The following CHCHD6 variants were observed in gnomAD, a reference collection of about 807,000 sequenced individuals.
The protein encoded by CHCHD6 is MICOS complex subunit MIC25.
A neutral mutation model predicts 32.3 loss-of-function variants in CHCHD6; 28 were observed. The ratio of observed to expected loss-of-function variants is 0.87; its 90% CI spans 0.64 to 1.19. CHCHD6 has a LOEUF of 1.19. Among genes scored for constraint, CHCHD6 ranks in the 50% most tolerant of loss-of-function variants. The probability of loss-of-function intolerance (pLI) is 0.00; values close to 1 mark genes in which losing one functional copy is unlikely to be tolerated. For missense variants in CHCHD6, 333 were observed against 307.0 expected, an observed-to-expected ratio of 1.08 and a Z score of -0.63; for synonymous variants, 122 against 117.5, an observed-to-expected ratio of 1.04 and a Z score of -0.25.
chr3:126,754,908 G>A (rs944548701), intron 4 of CHCHD6, among the ~76,000 whole-genome samples: 1 of 152,228 alleles, frequency 6.6e-6, no homozygotes, highest in South Asian at 2.1e-4. Flanking sequence ...GAAGGGCAGT[G>A]GCTGCAAGGA....
intron 4 of CHCHD6, 98 bp downstream of exon 4, chr3:126,733,320 G>A (rs1935897634): frequency 8.5e-7 from 1 of 1,182,548 alleles, no homozygotes; most frequent in Non-Finnish European, 1.2e-6. Flanking sequence ...AAGCCCTGCT[G>A]GCTCAGGCTG....
At chr3:126,868,310 A>G (rs1313023207) in intron 5 of CHCHD6, among the ~76,000 whole-genome samples, 1 of 152,176 alleles carries the variant, frequency 6.6e-6, no homozygotes, top group Non-Finnish European at 1.5e-5. Flanking sequence ...TTCCTCTCTG[A>G]GTGTAACTGA....
chr3:126,719,968 C>A (rs1935203768), intron 1 of CHCHD6, among the ~76,000 whole-genome samples: 1 of 152,132 alleles, frequency 6.6e-6, no homozygotes, highest in African/African-American at 2.4e-5. Flanking sequence ...GCAACCTCCA[C>A]CTCCTGGGGT....
chr3:126,854,892 C>A (rs1006262379), intron 5 of CHCHD6: 2 of 152,172 alleles, frequency 1.3e-5, no homozygotes, highest in Non-Finnish European at 2.9e-5. Context: ...TGGAATCCTG[C>A]GGCCGTCCAC....
intron 6 of CHCHD6, among the ~76,000 whole-genome samples, chr3:126,916,524 A>T (rs2078173870): frequency 6.6e-6 from 1 of 152,192 alleles, no homozygotes; most frequent in South Asian, 2.1e-4. Context: ...GTTGAGGTAG[A>T]AGCCCAGCCC....
chr3:126,852,647 G>A lies in CHCHD6; in HGVS notation c.412G>A (p.Ala138Thr). The change falls in exon 5 of 8, where the codon GCC (alanine) becomes ACC (threonine). Residue 138 changes from alanine (A) to threonine (T), a missense_variant and splice_region_variant. Physicochemically the swap from Ala to Thr is moderately conservative, Grantham distance 58. Transcript: ENST00000290913. ...SHEEQKSVRL[A>T]RELESREAEL... ...GTGGGCTTTGTTCTCTTCCAAGCAG[G>A]CCAGGGAGCTGGAGAGCAGAGAGGC... The A allele has an allele frequency of 6.2e-7, 1 of 1,613,244 alleles. No homozygotes were observed. The highest frequency in any genetic ancestry group is 1.7e-5 in the Admixed American group (1 of 60,010).
chr3:126,729,670 T>C (rs11706588), intron 2 of CHCHD6, among the ~76,000 whole-genome samples: 15,988 of 152,078 alleles, frequency 0.11, 912 homozygotes, highest in Middle Eastern at 0.22. Flanking sequence ...GGTTTGAAAG[T>C]GCGAGTAGTC....
chr3:126,789,882 T>A (rs1217004553), intron 4 of CHCHD6, among the ~76,000 whole-genome samples: 1 of 138,536 alleles, frequency 7.2e-6, no homozygotes, highest in African/African-American at 3.1e-5. Context: ...GTTAGCTGAT[T>A]ATTTTGCTCG....
In CHCHD6 at chr3:126,722,291, G is replaced by A. The variant is rs114167729; in HGVS notation, c.88-4787G>A. ...TTGCCTCAGCCTCCCAAGAAGCTAG[G>A]ACTGTAGGCATGTGGCACCACACCT... is the stretch of plus-strand genomic sequence containing the variant. On this transcript the variant is annotated intron_variant, in intron 1 of 7. Transcript: ENST00000290913. Among the ~76,000 whole-genome samples the A allele has an allele frequency of 7.2e-3, 1,092 of 152,186 alleles. 13 individuals carry two copies. The highest frequency in any genetic ancestry group is 0.025 in the African/African-American group (1,019 of 41,514).
At chr3:126,951,378 A>G (rs889671463) in intron 6 of CHCHD6, among the ~76,000 whole-genome samples, 6 of 152,268 alleles carry the variant, frequency 3.9e-5, no homozygotes, top group African/African-American at 1.4e-4. Context: ...GAATGTTGTC[A>G]TGTAACTAAG....
chr3:126,826,923 C>G (rs1399933276), intron 4 of CHCHD6, among the ~76,000 whole-genome samples: 1 of 152,032 alleles, frequency 6.6e-6, no homozygotes, highest in Admixed American at 6.6e-5. Context: ...GATGTGTGGG[C>G]CTGAGGGACC....
At chr3:126,904,737 T>C (rs998808618) in intron 5 of CHCHD6, among the ~76,000 whole-genome samples, 2 of 152,190 alleles carry the variant, frequency 1.3e-5, no homozygotes, top group African/African-American at 4.8e-5. Flanking sequence ...AGAGCGATCT[T>C]TTCTCTGCCT....
chr3:126,720,585 CAT>C (rs1389096832), intron 1 of CHCHD6, among the ~76,000 whole-genome samples: 5 of 152,348 alleles, frequency 3.3e-5, no homozygotes, highest in African/African-American at 7.2e-5. Flanking sequence ...TCAACCAGCA[CAT>C]GTTTCCTGAA....
At chr3:126,911,576 G>T (rs954975067) in intron 5 of CHCHD6, among the ~76,000 whole-genome samples, 1 of 152,236 alleles carries the variant, frequency 6.6e-6, no homozygotes, top group Non-Finnish European at 1.5e-5. Flanking sequence ...AGGACAGGAC[G>T]GGGAATTTCT....
At chr3:126,753,384 G>C (rs1165818181) in intron 4 of CHCHD6, among the ~76,000 whole-genome samples, 2 of 152,192 alleles carry the variant, frequency 1.3e-5, no homozygotes, top group Admixed American at 6.5e-5. Flanking sequence ...AGGCTGAGGA[G>C]GAGGGGCACT....
intron 6 of CHCHD6, among the ~76,000 whole-genome samples, chr3:126,920,239 CTT>C (rs973147970): frequency 2.9e-5 from 4 of 139,936 alleles, no homozygotes; most frequent in Non-Finnish European, 4.6e-5. Context: ...GATTCCCAGT[CTT>C]TGGTGAAATT....
chr3:126,727,987 A>G (rs78577854), intron 2 of CHCHD6, among the ~76,000 whole-genome samples: 1 of 151,366 alleles, frequency 6.6e-6, no homozygotes, highest in Non-Finnish European at 1.5e-5. Flanking sequence ...AAAAAAAAAA[A>G]GATTGGCTGG....
intron 5 of CHCHD6, among the ~76,000 whole-genome samples, chr3:126,856,278 C>T (rs1941664909): frequency 6.6e-6 from 1 of 152,188 alleles, no homozygotes; most frequent in Non-Finnish European, 1.5e-5. Flanking sequence ...AAACAAAGGG[C>T]CTCAATGCCC....
chr3:126,718,466 C>T (rs1364099098), intron 1 of CHCHD6, among the ~76,000 whole-genome samples: 3 of 152,164 alleles, frequency 2.0e-5, no homozygotes, highest in Admixed American at 2.0e-4. Flanking sequence ...TAAGAAGTCC[C>T]CTGGCCAAGG....
Sources: allele counts gnomAD v4.1 joint callset (sites outside exome capture counted in the v4.1 genomes callset), GRCh38; gene constraint gnomAD v4.1.1; transcripts MANE v1.5; gene names NCBI Gene and HGNC (gene_info 2026-07-23, HGNC 2026-07-21).